The following SPMIP6 variants were observed in gnomAD, a reference collection of about 807,000 sequenced individuals.
SPMIP6 encodes sperm microtubule inner protein 6.
At chr9:34,380,223 G>T in the SPMIP6 span, among the ~76,000 whole-genome samples, 2 of 152,192 alleles carry the variant, frequency 1.3e-5, no homozygotes, top group African/African-American at 4.8e-5. Flanking sequence ...CGCGGACAAA[G>T]TTCTCCCAGG....
chr9:34,383,811 A>T, the SPMIP6 span, among the ~76,000 whole-genome samples: 1 of 152,212 alleles, frequency 6.6e-6, no homozygotes, highest in Non-Finnish European at 1.5e-5. Context: ...GAGTTAGTAT[A>T]TGTAAGACAT....
the SPMIP6 span, chr9:34,382,851 T>A: frequency 6.2e-7 from 1 of 1,613,032 alleles, no homozygotes; most frequent in Admixed American, 1.7e-5. Context: ...GCCCAGGTAG[T>A]TTGGGCTGCA....
At chr9:34,380,350 G>C in the SPMIP6 span, among the ~76,000 whole-genome samples, 2 of 152,208 alleles carry the variant, frequency 1.3e-5, no homozygotes, top group Non-Finnish European at 2.9e-5. Context: ...CGCAGGTGGT[G>C]CGGGATCCGA....
the SPMIP6 span, among the ~76,000 whole-genome samples, chr9:34,383,219 C>T: frequency 2.6e-5 from 4 of 152,298 alleles, no homozygotes; most frequent in South Asian, 8.3e-4. Context: ...CCTATTCTGC[C>T]TCCTTCAAAA....
At chr9:34,397,428 A>C in the SPMIP6 span, 1 of 1,498,850 alleles carries the variant, frequency 6.7e-7, no homozygotes, top group African/African-American at 1.4e-5. Context: ...AATCATTACA[A>C]ACATACATTG....
At chr9:34,387,522 ACACC>A in the SPMIP6 span, among the ~76,000 whole-genome samples, 108 of 152,210 alleles carry the variant, frequency 7.1e-4, no homozygotes, top group African/African-American at 2.3e-3. Context: ...ACACACACAC[ACACC>A]CCTGTGTACC....
the SPMIP6 span, chr9:34,380,635 G>T: frequency 6.6e-7 from 1 of 1,519,218 alleles, no homozygotes; most frequent in South Asian, 1.3e-5. Context: ...ATATAGAGAG[G>T]CCAGGTTGAC....
chr9:34,384,546 G>A, the SPMIP6 span, among the ~76,000 whole-genome samples: 1 of 152,290 alleles, frequency 6.6e-6, no homozygotes, highest in Non-Finnish European at 1.5e-5. Context: ...GTCTCAGAGG[G>A]TAAAGACTGC....
At chr9:34,385,698 A>G in the SPMIP6 span, 20 of 1,613,772 alleles carry the variant, frequency 1.2e-5, no homozygotes, top group East Asian at 8.9e-5. Flanking sequence ...TGGACCCCCT[A>G]TAAGTGTAGT....
At chr9:34,392,114 C>T in the SPMIP6 span, among the ~76,000 whole-genome samples, 1 of 151,932 alleles carries the variant, frequency 6.6e-6, no homozygotes, top group African/African-American at 2.4e-5. The surrounding 1 kb of genome is among the most constrained non-coding windows in gnomAD (Gnocchi z 4.6). Context: ...ACTTTGTCAC[C>T]CAGGCTGGAG....
chr9:34,381,164 A>G, the SPMIP6 span: 1 of 1,560,216 alleles, frequency 6.4e-7, no homozygotes, highest in Non-Finnish European at 8.7e-7. This position sits in a 1 kb window ranked among gnomAD's most constrained non-coding sequence, Gnocchi z 4.4. Context: ...CAGGAGACCC[A>G]AAGACAGATG....
the SPMIP6 span, chr9:34,379,837 G>A: frequency 1.2e-6 from 1 of 822,272 alleles, no homozygotes; most frequent in Non-Finnish European, 2.0e-6. This position sits in a 1 kb window ranked among gnomAD's most constrained non-coding sequence, Gnocchi z 4.2. Flanking sequence ...CCGTCCCAAG[G>A]CTCGGAAATC....
chr9:34,397,381 G>A, the SPMIP6 span: 2 of 1,151,096 alleles, frequency 1.7e-6, no homozygotes, highest in South Asian at 1.3e-5. Flanking sequence ...TCTGTGCCTA[G>A]GTAAATGAAT....
At chr9:34,379,813 G>A in the SPMIP6 span, 1 of 1,108,066 alleles carries the variant, frequency 9.0e-7, no homozygotes, top group South Asian at 1.4e-5. The surrounding 1 kb of genome is among the most constrained non-coding windows in gnomAD (Gnocchi z 4.2). Context: ...GCCCCTGGGC[G>A]GCGCTTCAGG....
chr9:34,379,313 C>T, the SPMIP6 span: 5 of 664,188 alleles, frequency 7.5e-6, no homozygotes, highest in Admixed American at 6.9e-5. This position sits in a 1 kb window ranked among gnomAD's most constrained non-coding sequence, Gnocchi z 4.2. Context: ...TACTGACCTC[C>T]TGACCTTAGG....
chr9:34,381,704 T>G, the SPMIP6 span: 1 of 1,366,060 alleles, frequency 7.3e-7, no homozygotes. The surrounding 1 kb of genome is among the most constrained non-coding windows in gnomAD (Gnocchi z 4.4). Context: ...GTCTCAGCGT[T>G]TGCCTTTGAT....
the SPMIP6 span, chr9:34,379,249 G>A: frequency 2.1e-6 from 2 of 953,466 alleles, no homozygotes; most frequent in Non-Finnish European, 1.7e-6. This position sits in a 1 kb window ranked among gnomAD's most constrained non-coding sequence, Gnocchi z 4.2. Context: ...ACTCCAGTTT[G>A]CAATGCTAAC....
the SPMIP6 span, chr9:34,381,215 C>G: frequency 1.3e-6 from 2 of 1,559,348 alleles, no homozygotes; most frequent in South Asian, 1.2e-5. The surrounding 1 kb of genome is among the most constrained non-coding windows in gnomAD (Gnocchi z 4.4). Context: ...CAGAGTGAGG[C>G]GGAGACAAAA....
At chr9:34,379,707 G>A in the SPMIP6 span, 1 of 1,614,002 alleles carries the variant, frequency 6.2e-7, no homozygotes, top group Non-Finnish European at 8.5e-7. This position sits in a 1 kb window ranked among gnomAD's most constrained non-coding sequence, Gnocchi z 4.2. Context: ...TGCATTCCGG[G>A]CCGGTGCTCG....
Sources: allele counts gnomAD v4.1 joint callset (sites outside exome capture counted in the v4.1 genomes callset), GRCh38; gene constraint gnomAD v4.1.1; non-coding constraint Gnocchi (gnomAD v3.1); transcripts MANE v1.5; gene names NCBI Gene and HGNC (gene_info 2026-07-23, HGNC 2026-07-21).